The following CFAP299 variants were observed in gnomAD, a reference collection of about 807,000 sequenced individuals.
CFAP299 encodes cilia and flagella associated protein 299.
CFAP299 carries 21 observed loss-of-function variants against 27.0 expected under a neutral mutation model. The ratio of observed to expected loss-of-function variants is 0.78; its 90% CI spans 0.55 to 1.12. The LOEUF (loss-of-function observed/expected upper bound fraction) is 1.12. Among genes scored for constraint, CFAP299 ranks in the 50% most tolerant of loss-of-function variants. The probability of loss-of-function intolerance (pLI) is 0.00; values close to 1 mark genes in which losing one functional copy is unlikely to be tolerated. For missense variants in CFAP299, 310 were observed against 276.6 expected (o/e 1.12, Z -0.86); for synonymous variants, 104 against 98.1 (o/e 1.06, Z -0.36).
chr4:80,845,517 A>G (rs1474568710), intron 3 of CFAP299, among the ~76,000 whole-genome samples: 1 of 152,008 alleles, frequency 6.6e-6, no homozygotes, highest in Non-Finnish European at 1.5e-5. Context: ...AGCCACATTG[A>G]CTTTCTTTCC....
intron 3 of CFAP299, among the ~76,000 whole-genome samples, chr4:80,814,414 A>C (rs971027711): frequency 2.0e-5 from 3 of 151,982 alleles, no homozygotes; most frequent in African/African-American, 7.2e-5. Flanking sequence ...ATTTAAAGGC[A>C]TTTTTCCATG....
chr4:80,390,769 GTA>G (rs1725378278), intron 2 of CFAP299, among the ~76,000 whole-genome samples: 1 of 137,294 alleles, frequency 7.3e-6, no homozygotes. Context: ...ATGTATATAT[GTA>G]TATATACATA....
intron 2 of CFAP299, among the ~76,000 whole-genome samples, chr4:80,371,997 G>T (rs887454003): frequency 6.6e-6 from 1 of 152,010 alleles, no homozygotes; most frequent in African/African-American, 2.4e-5. Flanking sequence ...GTCCATTCTT[G>T]CATTGCTATA....
chr4:80,785,222 T>C (rs924616626), intron 3 of CFAP299, among the ~76,000 whole-genome samples: 1 of 151,966 alleles, frequency 6.6e-6, no homozygotes, highest in Non-Finnish European at 1.5e-5. Flanking sequence ...TTGTATATGG[T>C]ATGAGACAGT....
chr4:80,581,453 G>GATAGATATATATAT (rs1212459486), intron 2 of CFAP299, among the ~76,000 whole-genome samples: 4 of 103,030 alleles, frequency 3.9e-5, no homozygotes, highest in African/African-American at 2.5e-4. Context: ...TATTAAGTGA[G>GATAGATATATATAT]ATATATATAT....
intron 4 of CFAP299, chr4:80,871,041 G>A (rs1191171788): frequency 6.9e-6 from 3 of 431,708 alleles, no homozygotes; most frequent in Non-Finnish European, 9.3e-6. Context: ...CATGCAGCTG[G>A]GACTACAGGC....
intron 3 of CFAP299, among the ~76,000 whole-genome samples, chr4:80,760,359 A>C (rs1725479831): frequency 6.6e-6 from 1 of 152,178 alleles, no homozygotes; most frequent in South Asian, 2.1e-4. Flanking sequence ...GGAAGGAAGA[A>C]GAGCTGGGCA....
chr4:80,902,329 T>G (rs1331183446), intron 4 of CFAP299, among the ~76,000 whole-genome samples: 1 of 147,762 alleles, frequency 6.8e-6, no homozygotes, highest in Non-Finnish European at 1.5e-5. Flanking sequence ...ATATGGATTA[T>G]TATTTTATCC....
At chr4:80,504,462 C>CATATATATATATGTATATATATAT (rs1731899156) in intron 2 of CFAP299, among the ~76,000 whole-genome samples, 2 of 37,760 alleles carry the variant, frequency 5.3e-5, no homozygotes, top group African/African-American at 1.7e-4. Context: ...TAAAATCTCA[C>CATATATATATATGTATATATATAT]ATATATATAT....
chr4:80,396,678 C>T (rs946365654), intron 2 of CFAP299, among the ~76,000 whole-genome samples: 3 of 151,972 alleles, frequency 2.0e-5, no homozygotes, highest in African/African-American at 4.8e-5. Context: ...TGCTGGATTA[C>T]GTTTATTGAT....
At chr4:80,474,692 T>C (rs757645944) in intron 2 of CFAP299, among the ~76,000 whole-genome samples, 10 of 152,236 alleles carry the variant, frequency 6.6e-5, no homozygotes, top group Non-Finnish European at 1.3e-4. Flanking sequence ...TATTTTATAG[T>C]AATACAAATA....
rs75104637 is a variant in CFAP299 at position 80,524,143 on chromosome 4, C to T, written c.243-58950C>T. On this transcript the variant is annotated intron_variant, in intron 2 of 5. Coordinates refer to ENST00000358105, the MANE Select transcript of CFAP299 (RefSeq NM_152770.3). ...ATAATACAGAAATTTTCTCTTCTAC[C>T]TTTCTTTCAGCCTCATCTGTGTTTT... 1.4e-3 allele frequency among the ~76,000 whole-genome samples: 218 copies of T among 152,190 alleles called. 3 individuals carry two copies. In the East Asian group the frequency reaches 0.022, roughly 15 times the overall value.
At chr4:80,812,502 G>A (rs1729207339) in intron 3 of CFAP299, among the ~76,000 whole-genome samples, 1 of 152,090 alleles carries the variant, frequency 6.6e-6, no homozygotes, top group Non-Finnish European at 1.5e-5. Context: ...ACTGTATTAT[G>A]AAAAGCTGCT....
At chr4:80,683,400 T>C in intron 3 of CFAP299, among the ~76,000 whole-genome samples, 1 of 152,216 alleles carries the variant, frequency 6.6e-6, no homozygotes, top group African/African-American at 2.4e-5. Flanking sequence ...CTTTTGGTTA[T>C]TTAATCTAAT....
At chr4:80,774,987 A>C (rs1433976953) in intron 3 of CFAP299, among the ~76,000 whole-genome samples, 2 of 151,982 alleles carry the variant, frequency 1.3e-5, no homozygotes, top group Admixed American at 6.6e-5. Flanking sequence ...GCGCACCAGC[A>C]TGGCATATGT....
At chr4:80,710,740 C>T (rs114455557) in intron 3 of CFAP299, among the ~76,000 whole-genome samples, 156 of 152,160 alleles carry the variant, frequency 1.0e-3, no homozygotes, top group African/African-American at 3.5e-3. Flanking sequence ...CTTGAAACTT[C>T]TCTACCTCTC....
intron 3 of CFAP299, among the ~76,000 whole-genome samples, chr4:80,855,301 A>G (rs1380494659): frequency 6.6e-6 from 1 of 152,132 alleles, no homozygotes; most frequent in Non-Finnish European, 1.5e-5. Context: ...ATGATATATG[A>G]TGTAATTATT....
intron 3 of CFAP299, among the ~76,000 whole-genome samples, chr4:80,647,632 G>A (rs945994511): frequency 3.3e-5 from 5 of 152,052 alleles, no homozygotes; most frequent in South Asian, 2.1e-4. Flanking sequence ...GCCTTTTTTA[G>A]TTGTGGTGTA....
At chr4:80,953,220 C>G (rs1207718119) in intron 5 of CFAP299, among the ~76,000 whole-genome samples, 1 of 152,154 alleles carries the variant, frequency 6.6e-6, no homozygotes, top group Non-Finnish European at 1.5e-5. Context: ...TACTGAATCA[C>G]CAACACCACT....
Sources: gnomAD v4.1 joint callset for allele counts (sites outside exome capture counted in the v4.1 genomes callset) on GRCh38, gnomAD v4.1.1 for gene constraint, MANE v1.5 for transcripts, NCBI Gene and HGNC (gene_info 2026-07-23, HGNC 2026-07-21) for gene names.